The following TAFA2 variants were observed in gnomAD, a reference collection of about 807,000 sequenced individuals.
The protein encoded by TAFA2 is chemokine-like protein TAFA-2.
TAFA2 carries 7 observed loss-of-function variants against 18.8 expected under a neutral mutation model. The ratio of observed to expected loss-of-function variants is 0.37; its 90% CI spans 0.21 to 0.70. The LOEUF is 0.70. Among genes scored for constraint, TAFA2 ranks in the 30% least tolerant of loss-of-function variants. The pLI, the probability that TAFA2 is intolerant of heterozygous loss-of-function variation, is 0.53. For missense variants in TAFA2, 122 were observed against 158.1 expected (o/e 0.77, Z 1.23); for synonymous variants, 60 against 54.2 (o/e 1.11, Z -0.47).
In TAFA2 at chr12:61,709,467, G is replaced by T. The variant is rs923114239; in HGVS notation, c.*939C>A. On this transcript the variant is annotated 3_prime_UTR_variant, in exon 5 of 5. Coordinates refer to ENST00000416284, the MANE Select transcript of TAFA2 (RefSeq NM_178539.5). ...TTAAAAAATACTGGAAGAAATCTAA[G>T]TGAATAATGTTCAAGCTAAGAAATC... 1 of 152,066 alleles carries T rather than the reference G, an allele frequency of 6.6e-6. No individual in the cohort carries two copies. Among genetic ancestry groups the T allele is most frequent in the Non-Finnish European group, 1.5e-5 (1 of 67,990 alleles). The allele number at this position is 152,066 out of a possible 1,614,324, so 9.4% of individuals were successfully genotyped here.
At chr12:62,127,457 C>T (rs1870510830) in intron 1 of TAFA2, among the ~76,000 whole-genome samples, 2 of 151,908 alleles carry the variant, frequency 1.3e-5, no homozygotes, top group African/African-American at 2.4e-5. Context: ...GAATTGCTAT[C>T]TTTTTTCTGT....
intron 1 of TAFA2, among the ~76,000 whole-genome samples, chr12:61,955,592 C>T (rs564431548): frequency 3.8e-5 from 3 of 79,998 alleles, no homozygotes; most frequent in Admixed American, 2.1e-4. Context: ...CACAGCAAGA[C>T]TCCATCTCAA....
intron 1 of TAFA2, among the ~76,000 whole-genome samples, chr12:61,901,073 G>A (rs566983227): frequency 6.6e-6 from 1 of 152,160 alleles, no homozygotes; most frequent in African/African-American, 2.4e-5. Flanking sequence ...TCTCTTTTAA[G>A]AAGCTAGACA....
At chr12:62,006,959 C>T (rs1197492142) in intron 1 of TAFA2, among the ~76,000 whole-genome samples, 2 of 152,152 alleles carry the variant, frequency 1.3e-5, no homozygotes, top group Non-Finnish European at 2.9e-5. Flanking sequence ...TCTCATAAGA[C>T]TAAATGGACT....
chr12:62,044,485 A>G (rs796270565), intron 1 of TAFA2, among the ~76,000 whole-genome samples: 2 of 152,226 alleles, frequency 1.3e-5, no homozygotes, highest in African/African-American at 4.8e-5. Context: ...CCCACAAGTA[A>G]AGAAAGCCCG....
At chr12:62,028,605 G>A (rs74474181) in intron 1 of TAFA2, among the ~76,000 whole-genome samples, 10,438 of 152,190 alleles carry the variant, frequency 0.069, 463 homozygotes, top group Non-Finnish European at 0.11. Context: ...TAGCTTACAA[G>A]TAAGTTCACA....
At chr12:62,028,876 T>C (rs1881376984) in intron 1 of TAFA2, among the ~76,000 whole-genome samples, 3 of 152,154 alleles carry the variant, frequency 2.0e-5, no homozygotes, top group Admixed American at 2.0e-4. Context: ...CCAGTTCCTG[T>C]TTGCTTCTCT....
At chr12:62,226,934 T>C (rs745372468) in intron 1 of TAFA2, among the ~76,000 whole-genome samples, 2 of 152,200 alleles carry the variant, frequency 1.3e-5, no homozygotes, top group African/African-American at 2.4e-5. Flanking sequence ...TCTCCTGCTG[T>C]GTATAGCCTT....
At chr12:61,994,487 C>T (rs1880117290) in intron 1 of TAFA2, among the ~76,000 whole-genome samples, 1 of 152,184 alleles carries the variant, frequency 6.6e-6, no homozygotes, top group African/African-American at 2.4e-5. Context: ...CAAAATATCC[C>T]ACCTTAAGGT....
At chr12:62,110,958 T>C (rs1869703349) in intron 1 of TAFA2, among the ~76,000 whole-genome samples, 1 of 152,178 alleles carries the variant, frequency 6.6e-6, no homozygotes, top group African/African-American at 2.4e-5. Context: ...CATTGATTTT[T>C]TTGAAGGGTT....
intron 1 of TAFA2, among the ~76,000 whole-genome samples, chr12:61,887,281 C>A (rs1592461764): frequency 6.6e-6 from 1 of 152,206 alleles, no homozygotes; most frequent in East Asian, 1.9e-4. Flanking sequence ...TCTACCTTGA[C>A]AGCTTATTAC....
chr12:62,024,511 A>G (rs969657652), intron 1 of TAFA2, among the ~76,000 whole-genome samples: 1 of 152,188 alleles, frequency 6.6e-6, no homozygotes, highest in Admixed American at 6.5e-5. Flanking sequence ...TAAGAATCCT[A>G]GAATAAAACT....
At chr12:62,134,227 G>A (rs182223405) in intron 1 of TAFA2, among the ~76,000 whole-genome samples, 1 of 152,014 alleles carries the variant, frequency 6.6e-6, no homozygotes, top group East Asian at 1.9e-4. Flanking sequence ...GATACAAACT[G>A]AATATTTGTG....
chr12:61,775,256 A>C (rs1309478821), intron 2 of TAFA2, among the ~76,000 whole-genome samples: 6 of 151,912 alleles, frequency 3.9e-5, no homozygotes, highest in Admixed American at 3.9e-4. Context: ...GTAGTTTCAT[A>C]CAAAATTAAA....
At chr12:62,177,679 C>A (rs1257455601) in intron 1 of TAFA2, among the ~76,000 whole-genome samples, 1 of 152,154 alleles carries the variant, frequency 6.6e-6, no homozygotes, top group Non-Finnish European at 1.5e-5. Flanking sequence ...AACCAATTAT[C>A]TTCATCTAGG....
At chr12:61,927,168 A>T (rs1176522834) in intron 1 of TAFA2, among the ~76,000 whole-genome samples, 2 of 152,046 alleles carry the variant, frequency 1.3e-5, no homozygotes, top group Non-Finnish European at 2.9e-5. Flanking sequence ...GGGCAGGGCA[A>T]TCAGGCAACA....
intron 1 of TAFA2, among the ~76,000 whole-genome samples, chr12:62,029,359 G>A (rs1006961301): frequency 6.6e-6 from 1 of 152,122 alleles, no homozygotes; most frequent in African/African-American, 2.4e-5. Flanking sequence ...TATTATGCTT[G>A]TTAGGGAGGT....
intron 2 of TAFA2, among the ~76,000 whole-genome samples, chr12:61,826,048 C>G (rs1394171487): frequency 6.6e-6 from 1 of 151,994 alleles, no homozygotes; most frequent in African/African-American, 2.4e-5. Flanking sequence ...ATACAGTACC[C>G]TGAGTTGAAG....
At chr12:62,019,571 C>CA (rs950399685) in intron 1 of TAFA2, among the ~76,000 whole-genome samples, 1 of 149,512 alleles carries the variant, frequency 6.7e-6, no homozygotes, top group Non-Finnish European at 1.5e-5. Flanking sequence ...ATCACAAGGA[C>CA]AAAAAACCAA....
Sources: allele counts gnomAD v4.1 joint callset (sites outside exome capture counted in the v4.1 genomes callset), GRCh38; gene constraint gnomAD v4.1.1; transcripts MANE v1.5; gene names NCBI Gene and HGNC (gene_info 2026-07-23, HGNC 2026-07-21).